Variants in HSP90B1 observed in about 807,000 individuals in gnomAD.
HSP90B1 encodes endoplasmin.
Under a neutral mutation model 100.4 loss-of-function variants are expected in HSP90B1, and 27 were observed. The observed-to-expected ratio is 0.27, with a 90% confidence interval of 0.20 to 0.37. HSP90B1 has a LOEUF of 0.37. Ranked by LOEUF, HSP90B1 falls within the 10% of genes least tolerant of loss-of-function variation. The pLI is 1.00. For synonymous variants in HSP90B1, 304 were observed against 330.8 expected (o/e 0.92, Z 0.88); for missense variants, 678 against 960.5 (o/e 0.71, Z 3.89).
chr12:103,931,486 T>G, intron 1 of HSP90B1, 35 bp from the exon 2 acceptor site: 1 of 1,493,262 alleles, frequency 6.7e-7, no homozygotes, highest in Non-Finnish European at 9.3e-7. Context: ...TGGAGAAGTG[T>G]GATGTTGAAG....
chr12:103,940,816 A>G (rs1870056063), intron 8 of HSP90B1, among the ~76,000 whole-genome samples: 1 of 152,226 alleles, frequency 6.6e-6, no homozygotes, highest in Admixed American at 6.5e-5. Flanking sequence ...TATCCTTTTT[A>G]AAATTTGTAC....
chr12:103,932,585 G>A (rs1359911414), intron 3 of HSP90B1, among the ~76,000 whole-genome samples, 167 bp downstream of exon 3: 2 of 152,198 alleles, frequency 1.3e-5, no homozygotes, highest in African/African-American at 4.8e-5. Context: ...GGAAGAAAGG[G>A]AGTGTCAGAC....
At position 103,942,408 on chromosome 12, in the gene HSP90B1, C is replaced by T. The variant is rs182695447; in HGVS notation, c.1375-119C>T. The stretch of plus-strand genomic sequence containing the variant: ...TGGAGTGCTTCACCATTTCCTGCCC[C>T]TCAATAAATGGCAATAACGATATCG... On this transcript the variant is annotated intron_variant, in intron 11 of 17. Transcript: ENST00000299767. 34 of 893,702 alleles carry T rather than the reference C, an allele frequency of 3.8e-5. No homozygotes were observed. The African/African-American group carries it at 5.2e-4, about 14-fold the overall frequency. 55.4% of individuals were successfully genotyped at this position (893,702 alleles called of 1,614,324 possible).
chr12:103,937,081 A>G (rs1351411428), intron 5 of HSP90B1, among the ~76,000 whole-genome samples: 1 of 152,202 alleles, frequency 6.6e-6, no homozygotes, highest in East Asian at 1.9e-4. Context: ...AGAATTTTAT[A>G]TAATAGTAGA....
At chr12:103,946,304 A>C (rs948722329) in intron 14 of HSP90B1, among the ~76,000 whole-genome samples, 2 of 152,202 alleles carry the variant, frequency 1.3e-5, no homozygotes, top group Non-Finnish European at 2.9e-5. Flanking sequence ...CAAATATTCT[A>C]GTCCCCCAGT....
At position 103,943,172 on chromosome 12, in the gene HSP90B1, C is replaced by A. The variant is rs775855737; in HGVS notation, c.1743C>A (p.Pro581=). 3.7e-6 allele frequency: 6 copies of A among 1,614,108 alleles called. No homozygotes were observed. The South Asian group carries it at 6.6e-5, about 18-fold the overall frequency. The part of the protein sequence containing the change: ...PVDEYCIQAL[P]EFDGKRFQNV... ...ATGAATACTGTATTCAGGCCCTTCCCGAATTTGATGGGAAGAGGTTCCAGA... is the reference window on the plus strand; with the variant it reads ...ATGAATACTGTATTCAGGCCCTTCCAGAATTTGATGGGAAGAGGTTCCAGA... Residue 581 remains proline (P), a synonymous_variant, in exon 13 of 18, where the codon CCC becomes CCA. Coordinates refer to ENST00000299767, the MANE Select transcript of HSP90B1 (RefSeq NM_003299.3). The surrounding 1 kb of genome is among the most constrained non-coding windows in gnomAD (Gnocchi z 5.3).
chr12:103,931,505 C>T lies in HSP90B1; in HGVS notation c.50-16C>T. On this transcript the variant is annotated splice_polypyrimidine_tract_variant and intron_variant, in intron 1 of 17. Coordinates refer to ENST00000299767, the MANE Select transcript of HSP90B1 (RefSeq NM_003299.3). ...GAAGTGTGATGTTGAAGAGTTTGCCCGTGTTAAATCTTCAGGGTCGGTCAG... is the reference window on the plus strand; with the variant it reads ...GAAGTGTGATGTTGAAGAGTTTGCCTGTGTTAAATCTTCAGGGTCGGTCAG... The T allele has an allele frequency of 6.3e-7, 1 of 1,591,952 alleles. No homozygotes were observed. The highest frequency in any genetic ancestry group is 1.7e-4 in the Middle Eastern group (1 of 5,988).
intron 5 of HSP90B1, 23 bp downstream of exon 5, chr12:103,934,310 A>G (rs1593487862): frequency 6.4e-7 from 1 of 1,550,586 alleles, no homozygotes; most frequent in South Asian, 1.1e-5. Context: ...AATTCCTTAT[A>G]AGAATTAATA....
chr12:103,942,588 A>T lies in HSP90B1; in HGVS notation c.1436A>T (p.Lys479Ile). 1 of 1,613,980 alleles carries T rather than the reference A, an allele frequency of 6.2e-7. No homozygotes were observed. The highest frequency in any genetic ancestry group is 8.5e-7 in the Non-Finnish European group (1 of 1,179,834). Residue 479 changes from lysine (K) to isoleucine (I), a missense_variant, in exon 12 of 18, where the codon AAA becomes ATA. Lys to Ile is a moderately radical substitution (Grantham distance 102). Coordinates refer to ENST00000299767, the MANE Select transcript of HSP90B1 (RefSeq NM_003299.3). The stretch of plus-strand genomic sequence containing the variant: ...ATGATCAAGAAGATTGCTGATGATA[A>T]ATACAATGATACTTTTTGGAAAGAA... ...LDMIKKIADDKYNDTFWKEFG... is the reference protein window; with the variant it reads ...LDMIKKIADDIYNDTFWKEFG...
At chr12:103,931,850 T>A in intron 2 of HSP90B1, 1 of 553,812 alleles carries the variant, frequency 1.8e-6, no homozygotes, top group Non-Finnish European at 3.4e-6. Flanking sequence ...CACCATAAAC[T>A]TTGTAAGACT....
Position 103,943,485 on chromosome 12 carries a change from AC to A in HSP90B1, c.1890+167del. On this transcript the variant is annotated intron_variant, in intron 13 of 17. Transcript: ENST00000299767. This position sits in a 1 kb window ranked among gnomAD's most constrained non-coding sequence, Gnocchi z 5.3. ...GAGAAAGCTTAAAACTTTCGACAAT[AC>A]TGCTTTGTTAATAACTTGTTACAAA... 3 of 723,522 alleles carry A rather than the reference AC, an allele frequency of 4.1e-6. No individual in the cohort carries two copies. The highest frequency in any genetic ancestry group is 6.7e-6 in the Non-Finnish European group (3 of 447,256). 44.8% of individuals were successfully genotyped at this position (723,522 alleles called of 1,614,324 possible).
rs745581285 is a variant in HSP90B1 at position 103,930,463 on chromosome 12, G to A, written c.-53G>A. ...GAGGATCCGAACCCAGGGGTGGGGG[G>A]TGGAGGCGGCTCCTGCGATCGAAGG... On this transcript the variant is annotated 5_prime_UTR_variant, in exon 1 of 18. It adds an upstream start codon to the 5' untranslated region. Coordinates refer to ENST00000299767, the MANE Select transcript of HSP90B1 (RefSeq NM_003299.3). This position sits in a 1 kb window ranked among gnomAD's most constrained non-coding sequence, Gnocchi z 4.4. 3 of 1,494,682 alleles carry A rather than the reference G, an allele frequency of 2.0e-6. No individual in the cohort carries two copies. Among genetic ancestry groups the A allele is most frequent in the Non-Finnish European group, 1.8e-6 (2 of 1,096,842 alleles). 92.6% of individuals were successfully genotyped at this position (1,494,682 alleles called of 1,614,324 possible). A position where few individuals can be genotyped will look rare whatever the true frequency, so the allele number is the denominator to read the frequency against.
rs770083536 is a variant in HSP90B1 at position 103,939,673 on chromosome 12, A to G, written c.1092+48A>G. The G allele has an allele frequency of 2.8e-5, 23 of 823,570 alleles. No homozygotes were observed. In the East Asian group the frequency reaches 6.2e-4, roughly 22 times the overall value. 51.0% of individuals were successfully genotyped at this position (823,570 alleles called of 1,614,324 possible). A position where few individuals can be genotyped will look rare whatever the true frequency, so the allele number is the denominator to read the frequency against. On this transcript the variant is annotated intron_variant, in intron 8 of 17. Transcript: ENST00000299767. ...TTTCTGGTTATTAATGAATAGACAAAATATCACCCTCTTAGTTTAATTGTA... is the reference window on the plus strand; with the variant it reads ...TTTCTGGTTATTAATGAATAGACAAGATATCACCCTCTTAGTTTAATTGTA...
At position 103,932,425 on chromosome 12, in the gene HSP90B1, A is replaced by G. The variant is rs1317280155; in HGVS notation, c.294+7A>G. ...ATTGTATAAAAATAAAGAGGTAAGCAACATGTGGTTAGAATATTTTATCTC... is the reference window on the plus strand; with the variant it reads ...ATTGTATAAAAATAAAGAGGTAAGCGACATGTGGTTAGAATATTTTATCTC... On this transcript the variant is annotated splice_region_variant and intron_variant, in intron 3 of 17. Transcript: ENST00000299767. 6.2e-7 allele frequency: 1 copy of G among 1,604,680 alleles called. No individual in the cohort carries two copies. The highest frequency in any genetic ancestry group is 1.7e-5 in the Admixed American group (1 of 58,488).
Position 103,946,699 on chromosome 12 carries a change from A to G in HSP90B1, c.2106+3A>G, listed in dbSNP as rs1199494445. ...GAGACATGCTTCGACGAATTAAGGT[A>G]GTATTAAAGCAGTCCTCTTGCTTGT... On this transcript the variant is annotated splice_donor_region_variant and intron_variant, in intron 15 of 17. Coordinates refer to ENST00000299767, the MANE Select transcript of HSP90B1 (RefSeq NM_003299.3). The G allele has an allele frequency of 6.2e-7, 1 of 1,613,666 alleles. No homozygotes were observed. Among genetic ancestry groups the G allele is most frequent in the Non-Finnish European group, 8.5e-7 (1 of 1,179,534 alleles).
chr12:103,941,286 A>T (rs994843611), intron 8 of HSP90B1, 124 bp from the exon 9 acceptor site: 2 of 911,012 alleles, frequency 2.2e-6, no homozygotes, highest in Admixed American at 5.1e-5. Context: ...ACCTCCCGCC[A>T]GTAAAGGAAA....
In HSP90B1 at chr12:103,943,204, C is replaced by G. The variant is rs762366467; in HGVS notation, c.1775C>G (p.Ala592Gly). Residue 592 changes from alanine to glycine, a missense_variant, in exon 13 of 18, where the codon GCC becomes GGC. Coordinates refer to ENST00000299767, the MANE Select transcript of HSP90B1 (RefSeq NM_003299.3). The surrounding 1 kb of genome is among the most constrained non-coding windows in gnomAD (Gnocchi z 5.3). ...GATGGGAAGAGGTTCCAGAATGTTG[C>G]CAAGGAAGGAGTGAAGTTCGATGAA... The part of the protein sequence containing the change: ...EFDGKRFQNV[A>G]KEGVKFDESE... The G allele has an allele frequency of 1.2e-6, 2 of 1,614,010 alleles. No homozygotes were observed. The highest frequency in any genetic ancestry group is 1.7e-6 in the Non-Finnish European group (2 of 1,180,012).
chr12:103,931,380 G>T, intron 1 of HSP90B1, 141 bp from the exon 2 acceptor site: 1 of 608,508 alleles, frequency 1.6e-6, no homozygotes, highest in Non-Finnish European at 3.0e-6. Flanking sequence ...TTTACCTTTG[G>T]TATTTAAACC....
intron 6 of HSP90B1, 145 bp from the exon 7 acceptor site, chr12:103,938,195 C>T: frequency 1.7e-6 from 1 of 596,440 alleles, no homozygotes; most frequent in Non-Finnish European, 2.7e-6. Flanking sequence ...AGAATGAAGG[C>T]AAAATGTGGT....
Sources: gnomAD v4.1 joint callset for allele counts (sites outside exome capture counted in the v4.1 genomes callset) on GRCh38, gnomAD v4.1.1 for gene constraint, Gnocchi (gnomAD v3.1) non-coding constraint, MANE v1.5 for transcripts, NCBI Gene and HGNC (gene_info 2026-07-23, HGNC 2026-07-21) for gene names.